Variants in KCNQ5 observed in about 807,000 individuals in gnomAD.
KCNQ5 encodes potassium voltage-gated channel subfamily Q member 5.
Under a neutral mutation model 98.2 loss-of-function variants are expected in KCNQ5, and 30 were observed. That is an observed-to-expected ratio of 0.31 (90% CI 0.23 to 0.41). The LOEUF (loss-of-function observed/expected upper bound fraction) is 0.41. Among genes scored for constraint, KCNQ5 ranks in the 10% least tolerant of loss-of-function variants. The probability of loss-of-function intolerance (pLI) is 1.00; values close to 1 mark genes in which losing one functional copy is unlikely to be tolerated. For missense variants in KCNQ5, 835 were observed against 1,182.5 expected (o/e 0.71, Z 4.31); for synonymous variants, 458 against 449.4 (o/e 1.02, Z -0.24).
intron 10 of KCNQ5, among the ~76,000 whole-genome samples, chr6:73,148,539 G>A (rs1777012061): frequency 6.6e-6 from 1 of 152,196 alleles, no homozygotes; most frequent in African/African-American, 2.4e-5. Context: ...GTAAACATGG[G>A]TCGATAATTA....
At chr6:72,802,010 G>A (rs2150094387) in intron 1 of KCNQ5, among the ~76,000 whole-genome samples, 1 of 152,224 alleles carries the variant, frequency 6.6e-6, no homozygotes, top group East Asian at 1.9e-4. Context: ...TTAGTCTGAT[G>A]GGCTTCCCTT....
chr6:72,654,465 A>T (rs1373871871), intron 1 of KCNQ5, among the ~76,000 whole-genome samples: 2 of 152,088 alleles, frequency 1.3e-5, no homozygotes, highest in African/African-American at 4.8e-5. Flanking sequence ...ATGGAAATAC[A>T]TAAATTTGTG....
intron 5 of KCNQ5, 106 bp downstream of exon 5, chr6:73,077,993 G>C (rs533201833): frequency 1.1e-6 from 1 of 922,058 alleles, no homozygotes; most frequent in African/African-American, 1.7e-5. Flanking sequence ...ATTAAATTGC[G>C]AAAGAGAGTT....
chr6:72,637,453 C>A (rs1246761519), intron 1 of KCNQ5, among the ~76,000 whole-genome samples: 1 of 152,056 alleles, frequency 6.6e-6, no homozygotes, highest in African/African-American at 2.4e-5. Context: ...GGAAACACTT[C>A]TTCCATTTGT....
At chr6:72,691,041 A>G (rs768535787) in intron 1 of KCNQ5, among the ~76,000 whole-genome samples, 7 of 152,212 alleles carry the variant, frequency 4.6e-5, no homozygotes, top group South Asian at 2.1e-4. Context: ...AGTAATAGAG[A>G]GCAAACTGGC....
chr6:72,671,405 G>C (rs1767096627), intron 1 of KCNQ5, among the ~76,000 whole-genome samples: 1 of 152,120 alleles, frequency 6.6e-6, no homozygotes, highest in African/African-American at 2.4e-5. Flanking sequence ...TATGCTACTA[G>C]CATTTTGATA....
intron 1 of KCNQ5, among the ~76,000 whole-genome samples, chr6:72,836,423 G>C (rs868354443): frequency 6.6e-6 from 1 of 151,846 alleles, no homozygotes; most frequent in Admixed American, 6.6e-5. Context: ...TACAAATTTG[G>C]TGCTCTCTCT....
intron 1 of KCNQ5, among the ~76,000 whole-genome samples, chr6:72,817,920 C>G (rs1046466896): frequency 2.0e-5 from 3 of 151,260 alleles, no homozygotes; most frequent in Admixed American, 2.0e-4. Context: ...AAACTGAGGC[C>G]CACACAAAAA....
chr6:73,168,711 C>CA (rs34691086), intron 10 of KCNQ5, among the ~76,000 whole-genome samples: 3,487 of 141,184 alleles, frequency 0.025, 69 homozygotes, highest in East Asian at 0.11. Context: ...GACTTTTTCT[C>CA]AAAAAAAAAA....
chr6:73,116,516 AAAGTC>A (rs1775503133), intron 7 of KCNQ5, among the ~76,000 whole-genome samples: 1 of 152,100 alleles, frequency 6.6e-6, no homozygotes, highest in African/African-American at 2.4e-5. Context: ...AAAATTTTAA[AAAGTC>A]AAGTGCAATG....
intron 3 of KCNQ5, among the ~76,000 whole-genome samples, chr6:73,069,672 C>G (rs1773221451): frequency 6.6e-6 from 1 of 152,062 alleles, no homozygotes; most frequent in African/African-American, 2.4e-5. Flanking sequence ...GTGGCCTTGA[C>G]TGGTTGATAT....
At chr6:73,086,938 C>T (rs1339202129) in intron 5 of KCNQ5, among the ~76,000 whole-genome samples, 1 of 152,110 alleles carries the variant, frequency 6.6e-6, no homozygotes, top group Non-Finnish European at 1.5e-5. Flanking sequence ...TGTGCAAAGG[C>T]CCTGAGGCAG....
At chr6:72,791,178 C>A (rs986425536) in intron 1 of KCNQ5, among the ~76,000 whole-genome samples, 1 of 152,110 alleles carries the variant, frequency 6.6e-6, no homozygotes, top group Non-Finnish European at 1.5e-5. Flanking sequence ...AAGAGCCAGC[C>A]ACAGGAGGAG....
intron 1 of KCNQ5, among the ~76,000 whole-genome samples, chr6:72,688,922 T>G (rs1203035858): frequency 6.6e-6 from 1 of 152,168 alleles, no homozygotes; most frequent in Non-Finnish European, 1.5e-5. Context: ...CCTCAAGAAA[T>G]ATTTCATGTC....
At chr6:73,139,914 A>G (rs1776636255) in intron 10 of KCNQ5, among the ~76,000 whole-genome samples, 1 of 152,098 alleles carries the variant, frequency 6.6e-6, no homozygotes, top group Non-Finnish European at 1.5e-5. Flanking sequence ...AGTCTCACCT[A>G]AAAATAGCAA....
chr6:72,795,075 T>C (rs4293967), intron 1 of KCNQ5, among the ~76,000 whole-genome samples: 114,503 of 152,064 alleles, frequency 0.75, 44,216 homozygotes, highest in African/African-American at 0.94. Flanking sequence ...TCTAGGTAGA[T>C]GCTTCCGACA....
At chr6:72,658,793 T>G (rs1766352939) in intron 1 of KCNQ5, among the ~76,000 whole-genome samples, 1 of 151,872 alleles carries the variant, frequency 6.6e-6, no homozygotes, top group Non-Finnish European at 1.5e-5. Context: ...TTAACCAGGC[T>G]GATCTCGAAC....
intron 3 of KCNQ5, among the ~76,000 whole-genome samples, chr6:73,050,735 G>A (rs1772196547): frequency 6.6e-6 from 1 of 151,980 alleles, no homozygotes; most frequent in Admixed American, 6.5e-5. Flanking sequence ...TCCTTTACAG[G>A]TACTCCCTCT....
chr6:72,953,157 C>T (rs560437741), intron 1 of KCNQ5, among the ~76,000 whole-genome samples: 20 of 152,158 alleles, frequency 1.3e-4, no homozygotes, highest in Non-Finnish European at 2.2e-4. Flanking sequence ...TCCCTGCCCT[C>T]GTGGACCTTA....
Sources: gnomAD v4.1 joint callset for allele counts (sites outside exome capture counted in the v4.1 genomes callset) on GRCh38, gnomAD v4.1.1 for gene constraint, MANE v1.5 for transcripts, NCBI Gene and HGNC (gene_info 2026-07-23, HGNC 2026-07-21) for gene names.